EED: variants seen among roughly 807,000 people sequenced by gnomAD.
The protein encoded by EED is embryonic ectoderm development, also known as polycomb protein EED.
A neutral mutation model predicts 61.0 loss-of-function variants in EED; 9 were observed. The ratio of observed to expected loss-of-function variants is 0.15; its 90% CI spans 0.09 to 0.26. The LOEUF (loss-of-function observed/expected upper bound fraction) is 0.26. Ranked by LOEUF, EED falls within the 10% of genes least tolerant of loss-of-function variation. EED has a pLI of 1.00. For synonymous variants in EED, 187 were observed against 174.4 expected (o/e 1.07, Z -0.57); for missense variants, 315 against 542.3 (o/e 0.58, Z 4.16).
downstream of EED, among the ~76,000 whole-genome samples, chr11:86,281,169 G>A (rs960572058): frequency 2.6e-5 from 4 of 152,120 alleles, no homozygotes; most frequent in South Asian, 2.1e-4. Context: ...TACTGTCCTC[G>A]TAAGATGAGT....
intron 6 of EED, among the ~76,000 whole-genome samples, chr11:86,260,472 TCA>T (rs1359994528): frequency 2.0e-5 from 3 of 152,178 alleles, no homozygotes; most frequent in Non-Finnish European, 4.4e-5. Flanking sequence ...CAAAAGATCC[TCA>T]CACCTTGGCC....
the EED span, among the ~76,000 whole-genome samples, chr11:86,285,613 T>C: frequency 1.4e-4 from 21 of 152,336 alleles, no homozygotes; most frequent in African/African-American, 5.1e-4. Flanking sequence ...TTTTATTTTT[T>C]TGAGACAGAG....
At chr11:86,255,522 A>T (rs1304309307) in intron 4 of EED, among the ~76,000 whole-genome samples, 2 of 152,200 alleles carry the variant, frequency 1.3e-5, no homozygotes, top group Non-Finnish European at 2.9e-5. Flanking sequence ...TGTGGGATGG[A>T]TGTGCTGGTT....
intron 6 of EED, among the ~76,000 whole-genome samples, chr11:86,259,001 G>A (rs750223856): frequency 6.6e-6 from 1 of 151,726 alleles, no homozygotes; most frequent in Non-Finnish European, 1.5e-5. Flanking sequence ...CGAGTAGCTG[G>A]GATTACAGGC....
the EED span, chr11:86,283,853 G>GGA: frequency 7.4e-6 from 1 of 135,614 alleles, no homozygotes; most frequent in African/African-American, 2.8e-5. Context: ...TGGAGATCCA[G>GGA]AAAAAAAAAA....
At chr11:86,275,026 TTTA>T (rs1460800198) in intron 9 of EED, among the ~76,000 whole-genome samples, 1 of 152,080 alleles carries the variant, frequency 6.6e-6, no homozygotes, top group African/African-American at 2.4e-5. Context: ...AAAGCAGGCT[TTTA>T]TTGTTGTTGT....
At chr11:86,256,900 G>A (rs75028242) in intron 5 of EED, among the ~76,000 whole-genome samples, 4,749 of 152,220 alleles carry the variant, frequency 0.031, 237 homozygotes, top group African/African-American at 0.11. Flanking sequence ...ATAAGAAGAC[G>A]GGTTTTTCAA....
chr11:86,259,829 A>C (rs906085250), intron 6 of EED, among the ~76,000 whole-genome samples: 5 of 152,228 alleles, frequency 3.3e-5, no homozygotes, highest in Non-Finnish European at 7.3e-5. Flanking sequence ...GGGTGGCTGT[A>C]ATAAAAACGT....
Position 86,278,008 on chromosome 11 carries a change from T to G in EED, c.1199+17T>G. ...TAAAGCCAAGTAAGTATTTAGAAAT[T>G]TCTGTTCAAAATTTCAGGCTTTTTC... On this transcript the variant is annotated intron_variant, in intron 11 of 11. Transcript: ENST00000263360. 1 of 1,497,070 alleles carries G rather than the reference T, an allele frequency of 6.7e-7. No homozygotes were observed. Among genetic ancestry groups the G allele is most frequent in the East Asian group, 2.5e-5 (1 of 40,050 alleles). 92.7% of individuals were successfully genotyped at this position (1,497,070 alleles called of 1,614,324 possible). A position where few individuals can be genotyped will look rare whatever the true frequency, so the allele number is the denominator to read the frequency against.
intron 1 of EED, 54 bp from the exon 2 acceptor site, chr11:86,250,242 T>C: frequency 7.2e-7 from 1 of 1,396,046 alleles, no homozygotes; most frequent in Non-Finnish European, 9.4e-7. Context: ...AGTTATTTAC[T>C]GCTAAAAACA....
At chr11:86,263,977 A>G (rs1945910090) in intron 6 of EED, 195 bp from the exon 7 acceptor site, 1 of 541,164 alleles carries the variant, frequency 1.8e-6, no homozygotes, top group South Asian at 2.6e-5. Context: ...GGGGGGGCCT[A>G]TTCAAACTAT....
intron 1 of EED, among the ~76,000 whole-genome samples, chr11:86,245,748 G>A (rs1288142141): frequency 6.6e-6 from 1 of 152,090 alleles, no homozygotes; most frequent in Non-Finnish European, 1.5e-5. Context: ...GAGCGTAAGG[G>A]TTGTCACTCT....
chr11:86,269,675 C>T (rs1331547084), intron 9 of EED, among the ~76,000 whole-genome samples: 1 of 152,118 alleles, frequency 6.6e-6, no homozygotes. Flanking sequence ...ATATCAAATC[C>T]AGAAAATTGA....
intron 9 of EED, among the ~76,000 whole-genome samples, chr11:86,274,370 A>T (rs1946183019): frequency 6.6e-6 from 1 of 151,892 alleles, no homozygotes; most frequent in Non-Finnish European, 1.5e-5. Flanking sequence ...TTTAAAGCTG[A>T]TTTTTGTCTT....
At chr11:86,276,695 G>T (rs1383605431) in intron 9 of EED, 4 of 217,286 alleles carry the variant, frequency 1.8e-5, no homozygotes, top group Non-Finnish European at 3.6e-5. Context: ...AGTATCTAGA[G>T]CTGAACTTGG....
Position 86,255,124 on chromosome 11 carries a change from T to C in EED, c.361-98T>C, listed in dbSNP as rs1248701640. 7 of 904,024 alleles carry C rather than the reference T, an allele frequency of 7.7e-6. No homozygotes were observed. In the East Asian group the frequency reaches 1.6e-4, roughly 21 times the overall value. 56.0% of individuals were successfully genotyped at this position (904,024 alleles called of 1,614,324 possible). A position where few individuals can be genotyped will look rare whatever the true frequency, so the allele number is the denominator to read the frequency against. ...TTTTAAGGCAGTAGTTTCTGTAGTA[T>C]ATTTAAGATAGGATTGCGATTAAAA... On this transcript the variant is annotated intron_variant, in intron 3 of 11. Coordinates refer to ENST00000263360, the MANE Select transcript of EED (RefSeq NM_003797.5).
rs1282336687 is a variant in EED, at chr11:86,264,426, A to T, written c.726+163A>T. On this transcript the variant is annotated intron_variant, in intron 7 of 11. Coordinates refer to ENST00000263360, the MANE Select transcript of EED (RefSeq NM_003797.5). Reference sequence around the variant, plus strand: ...TTTAATCTCCAGATGAAGGAATAAAACAAGTAAAGACTATATTTATTTATT... The same window carrying T: ...TTTAATCTCCAGATGAAGGAATAAATCAAGTAAAGACTATATTTATTTATT... The T allele has an allele frequency of 8.3e-6, 4 of 480,014 alleles. No individual in the cohort carries two copies. In the East Asian group the frequency reaches 1.3e-4, roughly 15 times the overall value. The allele number at this position is 480,014 out of a possible 1,614,324, so 29.7% of individuals were successfully genotyped here.
chr11:86,254,048 CAAAAAAAAAAAAAAAA>C (rs201298345), intron 3 of EED, among the ~76,000 whole-genome samples: 6,449 of 56,690 alleles, frequency 0.11, 478 homozygotes, highest in African/African-American at 0.26. Context: ...AACTCTGTCT[CAAAAAAAAAAAAAAAA>C]AAAAAAAAAA....
downstream of EED, among the ~76,000 whole-genome samples, chr11:86,279,413 G>A (rs1027383249): frequency 6.6e-6 from 1 of 152,166 alleles, no homozygotes. Context: ...GGATTAAGTA[G>A]ATTGAGATCA....
Sources: gnomAD v4.1 joint callset for allele counts (sites outside exome capture counted in the v4.1 genomes callset) on GRCh38, gnomAD v4.1.1 for gene constraint, MANE v1.5 for transcripts, NCBI Gene and HGNC (gene_info 2026-07-23, HGNC 2026-07-21) for gene names.